Variants in DSE observed in about 807,000 individuals in gnomAD.
The protein encoded by DSE is dermatan-sulfate epimerase.
DSE carries 36 observed loss-of-function variants against 84.4 expected under a neutral mutation model. That is an observed-to-expected ratio of 0.43 (90% CI 0.33 to 0.56). The LOEUF (loss-of-function observed/expected upper bound fraction) is 0.56. Ranked by LOEUF, DSE falls within the 20% of genes least tolerant of loss-of-function variation. The pLI is 0.06. For missense variants in DSE, 862 were observed against 1,169.6 expected (o/e 0.74, Z 3.84); for synonymous variants, 410 against 430.1 (o/e 0.95, Z 0.58).
At chr6:116,332,672 G>T (rs1464205232) in intron 2 of DSE, among the ~76,000 whole-genome samples, 1 of 152,064 alleles carries the variant, frequency 6.6e-6, no homozygotes, top group Non-Finnish European at 1.5e-5. Context: ...ACACAAAAAA[G>T]TACTTACAGT....
intron 1 of DSE, among the ~76,000 whole-genome samples, chr6:116,390,065 C>T (rs1780802000): frequency 6.6e-6 from 1 of 151,140 alleles, no homozygotes. Flanking sequence ...AACATAGTTC[C>T]AGGATTTTAT....
At chr6:116,388,662 A>T (rs974859480) in intron 1 of DSE, among the ~76,000 whole-genome samples, 12 of 152,246 alleles carry the variant, frequency 7.9e-5, no homozygotes, top group Non-Finnish European at 1.3e-4. Flanking sequence ...TCAAAATTTT[A>T]AAAAATTATA....
intron 2 of DSE, among the ~76,000 whole-genome samples, chr6:116,261,489 G>A (rs1381048133): frequency 6.6e-6 from 1 of 152,196 alleles, no homozygotes; most frequent in African/African-American, 2.4e-5. Context: ...CTTTGCTGAT[G>A]TTATCAGCTT....
rs556859950 is a variant in DSE at position 116,434,564 on chromosome 6, T to C, written c.1118+1014T>C. 1.7e-4 allele frequency among the ~76,000 whole-genome samples: 26 copies of C among 152,328 alleles called. No individual in the cohort carries two copies. In the East Asian group the frequency reaches 4.4e-3, roughly 26 times the overall value. ...TAAATATTCAATGAAGAGAGTTCTA[T>C]AAAGCTAACTACAGGATTAATAGGT... On this transcript the variant is annotated intron_variant, in intron 5 of 5. Coordinates refer to ENST00000644252, the MANE Select transcript of DSE (RefSeq NM_013352.4).
upstream of DSE, among the ~76,000 whole-genome samples, chr6:116,365,796 A>G (rs1779135342): frequency 6.6e-6 from 1 of 152,234 alleles, no homozygotes; most frequent in South Asian, 2.1e-4. Flanking sequence ...TAGAATTACT[A>G]TTATAGAATA....
intron 2 of DSE, among the ~76,000 whole-genome samples, chr6:116,301,741 C>T (rs965403106): frequency 2.6e-5 from 4 of 152,038 alleles, no homozygotes; most frequent in Non-Finnish European, 5.9e-5. Context: ...ACCCATCAAC[C>T]CGTCATCTGC....
chr6:116,316,198 G>T (rs1237175789), intron 2 of DSE, among the ~76,000 whole-genome samples: 1 of 151,884 alleles, frequency 6.6e-6, no homozygotes, highest in African/African-American at 2.4e-5. Flanking sequence ...ATTCTAAAAG[G>T]AGTTCAGATT....
chr6:116,395,338 T>C (rs1202816574), intron 1 of DSE, among the ~76,000 whole-genome samples: 1 of 151,864 alleles, frequency 6.6e-6, no homozygotes, highest in Non-Finnish European at 1.5e-5. Context: ...GGCAGGAGAA[T>C]GGCGTGAACC....
intron 2 of DSE, chr6:116,259,151 C>G: frequency 9.5e-6 from 10 of 1,055,634 alleles, no homozygotes; most frequent in Non-Finnish European, 1.4e-5. Context: ...TGTTGCTCGA[C>G]GTAGACCATG....
At chr6:116,354,570 C>T (rs1778480596) in intron 2 of DSE, among the ~76,000 whole-genome samples, 1 of 152,116 alleles carries the variant, frequency 6.6e-6, no homozygotes, top group African/African-American at 2.4e-5. Flanking sequence ...ACTTGCTTTT[C>T]CCATCTAAGG....
chr6:116,321,767 T>A (rs1776341426), intron 2 of DSE, among the ~76,000 whole-genome samples: 1 of 152,114 alleles, frequency 6.6e-6, no homozygotes, highest in Non-Finnish European at 1.5e-5. Context: ...AGTGTGAGAC[T>A]CCATCTCAAA....
chr6:116,353,472 G>A (rs940298692), intron 2 of DSE, among the ~76,000 whole-genome samples: 1 of 152,038 alleles, frequency 6.6e-6, no homozygotes, highest in Non-Finnish European at 1.5e-5. Flanking sequence ...ATCTTATAAA[G>A]GTTTCTCAGT....
chr6:116,387,767 C>T (rs1039048756), intron 1 of DSE, among the ~76,000 whole-genome samples: 11 of 152,096 alleles, frequency 7.2e-5, no homozygotes, highest in African/African-American at 1.4e-4. Context: ...ATGAAATACA[C>T]GTTCTTTGCA....
chr6:116,438,924 G>A lies in DSE; in HGVS notation c.*1579G>A, dbSNP rs1184609364. 2.0e-5 allele frequency: 3 copies of A among 152,160 alleles called. No individual in the cohort carries two copies. Among genetic ancestry groups the A allele is most frequent in the African/African-American group, 7.2e-5 (3 of 41,446 alleles). 9.4% of individuals were successfully genotyped at this position (152,160 alleles called of 1,614,324 possible). ...TTATTATGCTTGGAATCTAGAAAACGACTTCTGAGGAAGTAATTTTTTTCC... is the reference window on the plus strand; with the variant it reads ...TTATTATGCTTGGAATCTAGAAAACAACTTCTGAGGAAGTAATTTTTTTCC... On this transcript the variant is annotated 3_prime_UTR_variant, in exon 6 of 6. Transcript: ENST00000644252.
chr6:116,285,564 CT>C (rs1323759390), intron 2 of DSE, among the ~76,000 whole-genome samples: 1 of 152,124 alleles, frequency 6.6e-6, no homozygotes, highest in African/African-American at 2.4e-5. Flanking sequence ...GTTGCCATTG[CT>C]TTTGGTGTTT....
In DSE at chr6:116,267,328, A is replaced by T. The variant is rs903764254; in HGVS notation, c.-54+8361A>T. On this transcript the variant is annotated intron_variant, in intron 2 of 3. Coordinates refer to the DSE transcript ENST00000430252. ...GTGTTACTGCCTCTGAAGACCTTCTATTGGGACAAGATGTTGAGGTAGAAG... is the reference window on the plus strand; with the variant it reads ...GTGTTACTGCCTCTGAAGACCTTCTTTTGGGACAAGATGTTGAGGTAGAAG... Among the ~76,000 whole-genome samples, 4 of 152,316 alleles carry T rather than the reference A, an allele frequency of 2.6e-5. No homozygotes were observed. The East Asian group carries it at 7.7e-4, about 29-fold the overall frequency.
intron 2 of DSE, among the ~76,000 whole-genome samples, chr6:116,284,908 C>G (rs1271141798): frequency 6.6e-6 from 1 of 152,116 alleles, no homozygotes; most frequent in Non-Finnish European, 1.5e-5. Flanking sequence ...TTTACTTAAT[C>G]CAGTCTATCA....
At chr6:116,266,452 C>G (rs1344721063) in intron 2 of DSE, among the ~76,000 whole-genome samples, 1 of 152,124 alleles carries the variant, frequency 6.6e-6, no homozygotes, top group Non-Finnish European at 1.5e-5. Flanking sequence ...GGGAAAAAAT[C>G]TCAGAAGCAT....
intron 2 of DSE, among the ~76,000 whole-genome samples, chr6:116,269,561 A>G (rs917950267): frequency 2.6e-5 from 4 of 152,168 alleles, no homozygotes; most frequent in African/African-American, 9.6e-5. Context: ...AATCTGAGGA[A>G]GTCATGAAAC....
Sources: gnomAD v4.1 joint callset for allele counts (sites outside exome capture counted in the v4.1 genomes callset) on GRCh38, gnomAD v4.1.1 for gene constraint, MANE v1.5 for transcripts, NCBI Gene and HGNC (gene_info 2026-07-23, HGNC 2026-07-21) for gene names.